Variants in KATNIP observed in about 807,000 individuals in gnomAD.
KATNIP encodes katanin interacting protein, also known as katanin-interacting protein.
In KATNIP, 126 loss-of-function variants were observed where a neutral mutation model predicts 174.0. The ratio of observed to expected loss-of-function variants is 0.72; its 90% CI spans 0.63 to 0.84. KATNIP has a LOEUF of 0.84. KATNIP is among the 40% of genes least tolerant of loss of function. The pLI, the probability that KATNIP is intolerant of heterozygous loss-of-function variation, is 0.00. For synonymous variants in KATNIP, 810 were observed against 835.7 expected, an observed-to-expected ratio of 0.97 and a Z score of 0.53; for missense variants, 1,958 against 2,109.7, an observed-to-expected ratio of 0.93 and a Z score of 1.41.
chr16:27,556,231 G>A (rs2089622940), intron 1 of KATNIP, among the ~76,000 whole-genome samples: 1 of 152,112 alleles, frequency 6.6e-6, no homozygotes, highest in African/African-American at 2.4e-5. Flanking sequence ...TGCTGATGAA[G>A]CTCTCTAGCA....
intron 8 of KATNIP, among the ~76,000 whole-genome samples, chr16:27,694,093 A>G (rs1418853255): frequency 1.3e-5 from 2 of 151,648 alleles, no homozygotes; most frequent in African/African-American, 2.4e-5. Flanking sequence ...AGAACTTGCT[A>G]TTCCTTCATT....
chr16:27,681,361 C>T (rs776121536), intron 7 of KATNIP, 38 bp from the exon 8 acceptor site: 42 of 1,611,786 alleles, frequency 2.6e-5, no homozygotes, highest in Non-Finnish European at 9.3e-6. Context: ...AACTTGCTTG[C>T]GCTCAGCGTC....
chr16:27,762,253 C>T (rs982155778), intron 19 of KATNIP, among the ~76,000 whole-genome samples: 7 of 152,192 alleles, frequency 4.6e-5, no homozygotes, highest in Non-Finnish European at 8.8e-5. Flanking sequence ...CCCGCCTCTG[C>T]CCCATGCCAA....
intron 2 of KATNIP, among the ~76,000 whole-genome samples, chr16:27,588,962 C>G (rs2075085792): frequency 1.4e-5 from 2 of 145,200 alleles, no homozygotes; most frequent in South Asian, 4.3e-4. Flanking sequence ...TCTCACCTCA[C>G]TGCAACCTCC....
At chr16:27,753,555 C>T (rs959738109) in intron 17 of KATNIP, among the ~76,000 whole-genome samples, 1 of 152,152 alleles carries the variant, frequency 6.6e-6, no homozygotes, top group East Asian at 1.9e-4. Flanking sequence ...GGTGGCCCAC[C>T]GTTGACTCTC....
chr16:27,631,903 A>G (rs1053149024), intron 5 of KATNIP, among the ~76,000 whole-genome samples: 1 of 152,148 alleles, frequency 6.6e-6, no homozygotes, highest in African/African-American at 2.4e-5. Context: ...TGGAGCATCT[A>G]CCCCAGGTAC....
rs779396829 is a variant in KATNIP, at chr16:27,571,598, C to T, written c.8-2303C>T. 8.5e-5 allele frequency among the ~76,000 whole-genome samples: 13 copies of T among 152,226 alleles called. 1 individual carries two copies. Among genetic ancestry groups the T allele is most frequent in the Non-Finnish European group, 1.9e-4 (13 of 68,040 alleles). On this transcript the variant is annotated intron_variant, in intron 1 of 27. Coordinates refer to ENST00000261588, the MANE Select transcript of KATNIP (RefSeq NM_015202.5). ...AGGCGCTGGGATCTGCCGTGCTCAC[C>T]CTGGAGGAGCTCTGCTCCCTCCTGC...
chr16:27,572,204 C>T lies in KATNIP; in HGVS notation c.8-1697C>T, dbSNP rs540799924. Among the ~76,000 whole-genome samples the T allele has an allele frequency of 3.3e-5, 5 of 151,856 alleles. No individual in the cohort carries two copies. The East Asian group carries it at 7.8e-4, about 24-fold the overall frequency. ...GCCAAGTGGGGTGGATCACATGAGC[C>T]CAGGAAATTGAGACCAGCCTGGGCA... is the stretch of plus-strand genomic sequence containing the variant. On this transcript the variant is annotated intron_variant, in intron 1 of 27. Transcript: ENST00000261588.
chr16:27,746,375 A>T (rs1425634480), intron 15 of KATNIP, among the ~76,000 whole-genome samples: 1 of 152,158 alleles, frequency 6.6e-6, no homozygotes, highest in East Asian at 1.9e-4. Context: ...CTTCTGCCAC[A>T]TGTTAAGCCT....
In KATNIP at chr16:27,651,773, G is replaced by A. The variant is rs534579297; in HGVS notation, c.540+3038G>A. On this transcript the variant is annotated intron_variant, in intron 6 of 27. Transcript: ENST00000261588. ...TCACTCTTGTCACCCAGGCCAGAGTGCAGTGGTGCGATCTCGGCTCACTGC... is the reference window on the plus strand; with the variant it reads ...TCACTCTTGTCACCCAGGCCAGAGTACAGTGGTGCGATCTCGGCTCACTGC... Among the ~76,000 whole-genome samples, 139 of 152,350 alleles carry A rather than the reference G, an allele frequency of 9.1e-4. 1 individual carries two copies. The highest frequency in any genetic ancestry group is 3.3e-3 in the African/African-American group (137 of 41,584).
chr16:27,701,006 T>C (rs997838296), intron 10 of KATNIP, among the ~76,000 whole-genome samples: 1 of 152,088 alleles, frequency 6.6e-6, no homozygotes, highest in African/African-American at 2.4e-5. Context: ...CAGGGCACAT[T>C]TTTAGCGTCG....
chr16:27,773,921 A>G (rs562986486), intron 23 of KATNIP, among the ~76,000 whole-genome samples: 133 of 152,070 alleles, frequency 8.7e-4, no homozygotes, highest in African/African-American at 3.0e-3. Flanking sequence ...CCTCACAACA[A>G]TCTTGTGAGG....
At chr16:27,628,305 C>A (rs1451350228) in intron 3 of KATNIP, among the ~76,000 whole-genome samples, 1 of 152,258 alleles carries the variant, frequency 6.6e-6, no homozygotes, top group Non-Finnish European at 1.5e-5. Flanking sequence ...AAATTGGGAT[C>A]TTTTCAGAAA....
At chr16:27,550,198 C>A in intron 1 of KATNIP, 21 bp downstream of exon 1, 1 of 1,607,120 alleles carries the variant, frequency 6.2e-7, no homozygotes, top group Admixed American at 1.7e-5. Flanking sequence ...GTGGGCCCCT[C>A]CGGGAGGTCG....
intron 3 of KATNIP, among the ~76,000 whole-genome samples, chr16:27,628,015 A>G (rs1215742101): frequency 6.6e-6 from 1 of 152,242 alleles, no homozygotes; most frequent in Non-Finnish European, 1.5e-5. Flanking sequence ...CTTTTAGCCA[A>G]AAGATGTGAT....
chr16:27,668,835 A>G (rs988708951), intron 6 of KATNIP, among the ~76,000 whole-genome samples: 1 of 152,172 alleles, frequency 6.6e-6, no homozygotes, highest in Non-Finnish European at 1.5e-5. Flanking sequence ...GTAAGATCTC[A>G]TCTCTACAAA....
At chr16:27,578,634 G>A (rs766756315) in intron 2 of KATNIP, among the ~76,000 whole-genome samples, 10 of 152,150 alleles carry the variant, frequency 6.6e-5, no homozygotes, top group African/African-American at 2.4e-4. Context: ...TTGGAGTGCA[G>A]TGACACAATC....
chr16:27,723,203 C>T (rs1365553294), intron 14 of KATNIP, among the ~76,000 whole-genome samples: 1 of 152,168 alleles, frequency 6.6e-6, no homozygotes, highest in Non-Finnish European at 1.5e-5. Context: ...CACATCTCTG[C>T]TGCTTCAAAC....
At chr16:27,608,102 G>A (rs1475074532) in intron 2 of KATNIP, among the ~76,000 whole-genome samples, 1 of 152,124 alleles carries the variant, frequency 6.6e-6, no homozygotes, top group African/African-American at 2.4e-5. Flanking sequence ...GGTGGCCTCA[G>A]AGGAATACGT....
Sources: gnomAD v4.1 joint callset for allele counts (sites outside exome capture counted in the v4.1 genomes callset) on GRCh38, gnomAD v4.1.1 for gene constraint, MANE v1.5 for transcripts, NCBI Gene and HGNC (gene_info 2026-07-23, HGNC 2026-07-21) for gene names.